The following CHD9 variants were observed in gnomAD, a reference collection of about 807,000 sequenced individuals.
The protein encoded by CHD9 is ATP-dependent chromatin remodeler CHD9.
A neutral mutation model predicts 316.1 loss-of-function variants in CHD9; 77 were observed. That is an observed-to-expected ratio of 0.24 (90% CI 0.20 to 0.29). The LOEUF (loss-of-function observed/expected upper bound fraction) is 0.29, where lower values mean the gene tolerates loss of function less well. Ranked by LOEUF, CHD9 falls within the 10% of genes least tolerant of loss-of-function variation. The probability of loss-of-function intolerance (pLI) is 1.00; values close to 1 mark genes in which losing one functional copy is unlikely to be tolerated. For synonymous variants in CHD9, 1,129 were observed against 1,158.3 expected (o/e 0.97, Z 0.51); for missense variants, 2,763 against 3,438.1 (o/e 0.80, Z 4.91).
intron 3 of CHD9, among the ~76,000 whole-genome samples, chr16:53,213,511 G>A (rs1156236842): frequency 6.6e-6 from 1 of 152,174 alleles, no homozygotes; most frequent in East Asian, 1.9e-4. Flanking sequence ...ATACCAAAGG[G>A]TTGAACTTGA....
chr16:53,069,358 ACCACTATCCATCT>A (rs2033806732), intron 1 of CHD9, among the ~76,000 whole-genome samples: 2 of 152,106 alleles, frequency 1.3e-5, no homozygotes, highest in South Asian at 4.1e-4. Flanking sequence ...TACAACCATC[ACCACTATCCATCT>A]CCAGAACTCT....
chr16:53,226,485 T>C lies in CHD9; in HGVS notation c.2016T>C (p.Pro672=). 6.2e-7 allele frequency: 1 copy of C among 1,605,054 alleles called. No homozygotes were observed. The highest frequency in any genetic ancestry group is 8.5e-7 in the Non-Finnish European group (1 of 1,177,862). ...MKIKKNSAPL[P]GEQPLQLFVE... The stretch of plus-strand genomic sequence containing the variant: ...TAAAAAAGAATTCAGCTCCTTTACC[T>C]GGTGAACAGCCTTTACAATTGTTTG... Residue 672 remains proline, a synonymous_variant, in exon 5 of 39, where the codon CCT becomes CCC. Transcript: ENST00000447540.
chr16:53,243,620 G>T (rs1438501624), intron 13 of CHD9, among the ~76,000 whole-genome samples: 1 of 152,126 alleles, frequency 6.6e-6, no homozygotes, highest in African/African-American at 2.4e-5. Flanking sequence ...TGTATTTTTA[G>T]TAGACTAAGA....
At chr16:53,319,574 G>A (rs1414333373) in intron 37 of CHD9, among the ~76,000 whole-genome samples, 1 of 152,102 alleles carries the variant, frequency 6.6e-6, no homozygotes, top group Non-Finnish European at 1.5e-5. Flanking sequence ...TTTTGTGCTT[G>A]TGCAGATTTT....
At chr16:53,072,097 T>C (rs1202763677) in intron 1 of CHD9, among the ~76,000 whole-genome samples, 1 of 151,998 alleles carries the variant, frequency 6.6e-6, no homozygotes, top group Non-Finnish European at 1.5e-5. Context: ...AGAGACAGAC[T>C]CTGTCTCCTT....
rs377110382 is a variant in CHD9, at chr16:53,297,229, A to G, written c.5713+71A>G. 4 of 1,135,136 alleles carry G rather than the reference A, an allele frequency of 3.5e-6. No individual in the cohort carries two copies. In the African/African-American group the frequency reaches 6.2e-5, roughly 18 times the overall value. 70.3% of individuals were successfully genotyped at this position (1,135,136 alleles called of 1,614,324 possible). A position where few individuals can be genotyped will look rare whatever the true frequency, so the allele number is the denominator to read the frequency against. ...AATCACTAAAATTCGGAAATTTCCAATTTGTCTCTTTTATGTGAAATTTCA... is the reference window on the plus strand; with the variant it reads ...AATCACTAAAATTCGGAAATTTCCAGTTTGTCTCTTTTATGTGAAATTTCA... On this transcript the variant is annotated intron_variant, in intron 30 of 38. Coordinates refer to ENST00000447540, the MANE Select transcript of CHD9 (RefSeq NM_001308319.2).
chr16:53,220,298 G>C (rs1422592520), intron 3 of CHD9, among the ~76,000 whole-genome samples: 1 of 152,120 alleles, frequency 6.6e-6, no homozygotes, highest in East Asian at 1.9e-4. Flanking sequence ...CCATTATTCT[G>C]TTGAATGTGG....
chr16:53,140,861 T>A (rs562547203), intron 1 of CHD9, among the ~76,000 whole-genome samples: 1 of 152,310 alleles, frequency 6.6e-6, no homozygotes, highest in South Asian at 2.1e-4. Context: ...AAGTGGAGAT[T>A]ATGTTTTTAA....
At position 53,238,363 on chromosome 16, in the gene CHD9, A is replaced by T; in HGVS notation, c.2654A>T (p.Asp885Val). ...WYNRRNCILADEMGLGKTIQS... is the reference protein window; with the variant it reads ...WYNRRNCILAVEMGLGKTIQS... The stretch of plus-strand genomic sequence containing the variant: ...TTCAGACGAAACTGCATCTTAGCAG[A>T]TGAAATGGGTCTTGGCAAAACTATT... Residue 885 changes from aspartate to valine, a missense_variant, in exon 12 of 39, where the codon GAT becomes GTT. Physicochemically the swap from Asp to Val is radical, Grantham distance 152. Coordinates refer to ENST00000447540, the MANE Select transcript of CHD9 (RefSeq NM_001308319.2). The T allele has an allele frequency of 6.2e-7, 1 of 1,612,720 alleles. No individual in the cohort carries two copies. Among genetic ancestry groups the T allele is most frequent in the Non-Finnish European group, 8.5e-7 (1 of 1,179,174 alleles).
intron 2 of CHD9, among the ~76,000 whole-genome samples, chr16:53,201,493 A>T (rs2045449723): frequency 6.6e-6 from 1 of 152,214 alleles, no homozygotes. Context: ...ATTTTAACAT[A>T]ACCTATAACA....
intron 8 of CHD9, 41 bp downstream of exon 8, chr16:53,229,141 G>T: frequency 1.0e-6 from 1 of 976,722 alleles, no homozygotes; most frequent in South Asian, 1.7e-5. Flanking sequence ...GTTGGTCTCT[G>T]AATACATGTA....
intron 24 of CHD9, among the ~76,000 whole-genome samples, chr16:53,281,803 G>A (rs1328979873): frequency 3.9e-5 from 6 of 152,078 alleles, no homozygotes; most frequent in African/African-American, 1.4e-4. Flanking sequence ...CGCCCCTTCA[G>A]ATTACTCGGA....
rs563866683 is a variant in CHD9, at chr16:53,326,270, A to G, written c.*1375A>G. On this transcript the variant is annotated 3_prime_UTR_variant, in exon 39 of 39. Coordinates refer to ENST00000447540, the MANE Select transcript of CHD9 (RefSeq NM_001308319.2). ...TACTGAATTGGACATAAAAATATTG[A>G]CATTCTAAGGAGAGATATATGTTAG... 1.3e-5 allele frequency: 2 copies of G among 152,548 alleles called. No individual in the cohort carries two copies. Among genetic ancestry groups the G allele is most frequent in the Non-Finnish European group, 2.9e-5 (2 of 67,944 alleles). The allele number at this position is 152,548 out of a possible 1,614,324, so 9.4% of individuals were successfully genotyped here.
At chr16:53,272,328 A>C (rs901965351) in intron 22 of CHD9, among the ~76,000 whole-genome samples, 3 of 151,946 alleles carry the variant, frequency 2.0e-5, no homozygotes, top group African/African-American at 7.2e-5. Context: ...TACATCTAAA[A>C]TAGTCTCAAA....
intron 2 of CHD9, among the ~76,000 whole-genome samples, chr16:53,194,519 G>A (rs569404499): frequency 6.6e-6 from 1 of 152,300 alleles, no homozygotes; most frequent in East Asian, 1.9e-4. Flanking sequence ...GCTGAAGTGA[G>A]CGGAGATCGT....
At chr16:53,155,871 G>T (rs915154088) in intron 1 of CHD9, 55 bp from the exon 2 acceptor site, 4 of 501,850 alleles carry the variant, frequency 8.0e-6, no homozygotes, top group African/African-American at 5.9e-5. Flanking sequence ...CATTTTTGTT[G>T]TAGCATGTAT....
chr16:53,108,603 G>A (rs977031549), intron 1 of CHD9, among the ~76,000 whole-genome samples: 2 of 151,662 alleles, frequency 1.3e-5, no homozygotes, highest in African/African-American at 2.4e-5. Flanking sequence ...GGCCGGGCGC[G>A]GTGGCTCACT....
At chr16:53,243,597 G>A (rs1260232037) in intron 13 of CHD9, among the ~76,000 whole-genome samples, 2 of 152,216 alleles carry the variant, frequency 1.3e-5, no homozygotes, top group African/African-American at 2.4e-5. Context: ...ACAGGCGTGA[G>A]CCTGTAATTT....
chr16:53,123,537 T>C (rs1273438937), intron 1 of CHD9, among the ~76,000 whole-genome samples: 1 of 152,194 alleles, frequency 6.6e-6, no homozygotes, highest in Non-Finnish European at 1.5e-5. Flanking sequence ...GTTTTGCTCT[T>C]GTCACCCAGG....
Sources: gnomAD v4.1 joint callset for allele counts (sites outside exome capture counted in the v4.1 genomes callset) on GRCh38, gnomAD v4.1.1 for gene constraint, MANE v1.5 for transcripts, NCBI Gene and HGNC (gene_info 2026-07-23, HGNC 2026-07-21) for gene names.